Variants in CC2D2A observed in about 807,000 individuals in gnomAD.
CC2D2A encodes coiled-coil and C2 domain-containing protein 2A.
A neutral mutation model predicts 212.9 loss-of-function variants in CC2D2A; 155 were observed. That is an observed-to-expected ratio of 0.73 (90% CI 0.64 to 0.83). The LOEUF (loss-of-function observed/expected upper bound fraction) is 0.83, where lower values mean the gene tolerates loss of function less well. Among genes scored for constraint, CC2D2A ranks in the 40% least tolerant of loss-of-function variants. The pLI, the probability that CC2D2A is intolerant of heterozygous loss-of-function variation, is 0.00. For synonymous variants in CC2D2A, 667 were observed against 686.5 expected, an observed-to-expected ratio of 0.97 and a Z score of 0.44; for missense variants, 1,856 against 1,956.2, an observed-to-expected ratio of 0.95 and a Z score of 0.97.
intron 24 of CC2D2A, among the ~76,000 whole-genome samples, chr4:15,564,728 A>G (rs1577380510): frequency 6.6e-6 from 1 of 152,102 alleles, no homozygotes; most frequent in Non-Finnish European, 1.5e-5. Flanking sequence ...GCCCAGGCTG[A>G]GTACAGTGGT....
chr4:15,533,664 A>G (rs1717970974), intron 14 of CC2D2A, among the ~76,000 whole-genome samples: 1 of 152,184 alleles, frequency 6.6e-6, no homozygotes, highest in African/African-American at 2.4e-5. Flanking sequence ...TTCTTTAGGG[A>G]ATACATACAT....
chr4:15,514,620 A>G, intron 8 of CC2D2A, 87 bp from the exon 9 acceptor site: 1 of 996,026 alleles, frequency 1.0e-6, no homozygotes, highest in Non-Finnish European at 1.4e-6. Context: ...AGGAAATGTT[A>G]AGTTTCATGA....
intron 29 of CC2D2A, chr4:15,576,425 A>T: frequency 1.0e-6 from 1 of 971,160 alleles, no homozygotes; most frequent in Non-Finnish European, 1.2e-6. Context: ...GAACCATTCC[A>T]TAGGATGTTT....
intron 4 of CC2D2A, among the ~76,000 whole-genome samples, chr4:15,494,896 A>T (rs1375924578): frequency 1.3e-5 from 2 of 152,216 alleles, no homozygotes; most frequent in Non-Finnish European, 2.9e-5. Flanking sequence ...TGGTGACTTC[A>T]CAAATTATTT....
chr4:15,536,901 A>G lies in CC2D2A; in HGVS notation c.1608-19A>G. On this transcript the variant is annotated intron_variant, in intron 14 of 36. Transcript: ENST00000424120. ...CTTAATTTCCAGAAATAACCAAGGG[A>G]CTACAAATTATTTTAAAGGGAAAAA... 6.2e-7 allele frequency: 1 copy of G among 1,609,296 alleles called. No homozygotes were observed.
At chr4:15,557,140 A>G (rs576218046) in intron 20 of CC2D2A, among the ~76,000 whole-genome samples, 164 bp from the exon 21 acceptor site, 2 of 152,330 alleles carry the variant, frequency 1.3e-5, no homozygotes, top group East Asian at 3.9e-4. Context: ...ATAGCTACTA[A>G]ATGAATATAA....
chr4:15,563,370 C>T lies in CC2D2A; in HGVS notation c.3030C>T (p.Ser1010=). ...TAATCATTAGCATTTTGGGCCTAAG[C>T]CTTTTCAAGCTGGCAGAACAAAAGC... is the stretch of plus-strand genomic sequence containing the variant. ...EVPNISILGL[S]LFKLAEQKRP... Residue 1010 remains serine, a synonymous_variant, in exon 24 of 37, where the codon AGC becomes AGT. Coordinates refer to ENST00000424120, the MANE Select transcript of CC2D2A (RefSeq NM_001378615.1). 1.9e-6 allele frequency: 3 copies of T among 1,603,606 alleles called. No homozygotes were observed. Among genetic ancestry groups the T allele is most frequent in the Non-Finnish European group, 2.6e-6 (3 of 1,174,704 alleles).
chr4:15,549,804 AAAAAG>A (rs1370779469), intron 17 of CC2D2A, among the ~76,000 whole-genome samples: 1 of 152,190 alleles, frequency 6.6e-6, no homozygotes, highest in Non-Finnish European at 1.5e-5. Context: ...CTCCATCTAA[AAAAAG>A]AAAAGTTCAG....
chr4:15,565,095 A>C, intron 24 of CC2D2A, among the ~76,000 whole-genome samples: 1 of 152,214 alleles, frequency 6.6e-6, no homozygotes, highest in East Asian at 1.9e-4. Flanking sequence ...TGTCCATATA[A>C]GCTCTTGAAT....
chr4:15,570,576 C>T, intron 28 of CC2D2A, 80 bp downstream of exon 28: 1 of 967,090 alleles, frequency 1.0e-6, no homozygotes, highest in Non-Finnish European at 1.6e-6. Flanking sequence ...CTTTGTGGGC[C>T]AGGCGCGGTG....
chr4:15,510,370 C>T (rs1434247126), intron 7 of CC2D2A, 130 bp downstream of exon 7: 1 of 719,576 alleles, frequency 1.4e-6, no homozygotes, highest in East Asian at 2.8e-5. Context: ...CCAAGACAGG[C>T]AGATATATTG....
At chr4:15,477,505 C>T (rs979493934) in intron 2 of CC2D2A, among the ~76,000 whole-genome samples, 11 of 152,122 alleles carry the variant, frequency 7.2e-5, no homozygotes, top group African/African-American at 2.7e-4. Context: ...AGGATGAAAA[C>T]ATCACGGAAA....
intron 7 of CC2D2A, 96 bp downstream of exon 7, chr4:15,510,336 C>G: frequency 9.5e-7 from 1 of 1,050,178 alleles, no homozygotes; most frequent in Non-Finnish European, 1.4e-6. Flanking sequence ...TGGCTCACGC[C>G]TGCAATCCCA....
intron 4 of CC2D2A, among the ~76,000 whole-genome samples, chr4:15,485,018 G>A (rs994060991): frequency 6.6e-6 from 1 of 152,174 alleles, no homozygotes; most frequent in Non-Finnish European, 1.5e-5. Context: ...TCATTAGAAG[G>A]AAAGCTCCCT....
intron 4 of CC2D2A, chr4:15,482,183 A>C: frequency 1.0e-6 from 1 of 985,476 alleles, no homozygotes; most frequent in East Asian, 1.1e-4. Flanking sequence ...AGACTCTTAG[A>C]TTGGAAAAAT....
intron 6 of CC2D2A, among the ~76,000 whole-genome samples, chr4:15,505,194 T>C (rs535459910): frequency 6.6e-6 from 1 of 152,386 alleles, no homozygotes; most frequent in Admixed American, 6.5e-5. Flanking sequence ...CAGTTAGGAA[T>C]ACTTTGGTCA....
At chr4:15,487,824 C>T (rs550618890) in intron 4 of CC2D2A, among the ~76,000 whole-genome samples, 6 of 136,098 alleles carry the variant, frequency 4.4e-5, no homozygotes, top group South Asian at 2.3e-4. Context: ...TAGGTTTTTG[C>T]TCTGTGATTA....
At chr4:15,487,026 CT>C (rs1393725049) in intron 4 of CC2D2A, among the ~76,000 whole-genome samples, 1 of 151,860 alleles carries the variant, frequency 6.6e-6, no homozygotes, top group Non-Finnish European at 1.5e-5. Flanking sequence ...ATGATTTCAA[CT>C]TTTTTGAATT....
At chr4:15,479,645 C>T (rs952956443) in intron 3 of CC2D2A, among the ~76,000 whole-genome samples, 2 of 152,152 alleles carry the variant, frequency 1.3e-5, no homozygotes, top group Admixed American at 6.5e-5. Flanking sequence ...TGCCTGGCCA[C>T]GTGGGCTAGC....
Sources: allele counts gnomAD v4.1 joint callset (sites outside exome capture counted in the v4.1 genomes callset), GRCh38; gene constraint gnomAD v4.1.1; transcripts MANE v1.5; gene names NCBI Gene and HGNC (gene_info 2026-07-23, HGNC 2026-07-21).